TNFSF4: variants seen among roughly 807,000 people sequenced by gnomAD.
TNFSF4 encodes the protein TNF superfamily member 4, also known as tumor necrosis factor ligand superfamily member 4.
Under a neutral mutation model 7.3 loss-of-function variants are expected in TNFSF4, and 4 were observed. The ratio of observed to expected loss-of-function variants is 0.55; its 90% CI spans 0.27 to 1.25. The LOEUF (loss-of-function observed/expected upper bound fraction) is 1.25. Among genes scored for constraint, TNFSF4 ranks in the 50% most tolerant of loss-of-function variants. TNFSF4 has a pLI of 0.12. For missense variants in TNFSF4, 181 were observed against 208.8 expected, an observed-to-expected ratio of 0.87 and a Z score of 0.82; for synonymous variants, 76 against 83.7, an observed-to-expected ratio of 0.91 and a Z score of 0.50.
At chr1:173,378,955 G>A in the TNFSF4 span, among the ~76,000 whole-genome samples, 6 of 150,174 alleles carry the variant, frequency 4.0e-5, no homozygotes, top group Non-Finnish European at 8.9e-5. Context: ...CCGAGTACAT[G>A]TCCCCTTCTC....
chr1:173,328,295 A>T, the TNFSF4 span, among the ~76,000 whole-genome samples: 8 of 146,460 alleles, frequency 5.5e-5, no homozygotes, highest in African/African-American at 1.5e-4. Flanking sequence ...ATAGGTGGGA[A>T]TTGAACAATA....
chr1:173,272,354 AC>A, the TNFSF4 span, among the ~76,000 whole-genome samples: 1 of 152,024 alleles, frequency 6.6e-6, no homozygotes, highest in Non-Finnish European at 1.5e-5. Context: ...AATAAAAAAA[AC>A]AGATTCTGAG....
At chr1:173,339,724 T>C in the TNFSF4 span, among the ~76,000 whole-genome samples, 1 of 152,206 alleles carries the variant, frequency 6.6e-6, no homozygotes, top group Non-Finnish European at 1.5e-5. Flanking sequence ...GAATCTTACC[T>C]GCTTTTCCTG....
At chr1:173,220,544 A>G in the TNFSF4 span, among the ~76,000 whole-genome samples, 5 of 152,302 alleles carry the variant, frequency 3.3e-5, no homozygotes, top group East Asian at 1.9e-4. Context: ...CCAAAAATTC[A>G]TATGTGGAAG....
the TNFSF4 span, among the ~76,000 whole-genome samples, chr1:173,289,583 G>C: frequency 1.3e-5 from 2 of 151,872 alleles, no homozygotes; most frequent in Non-Finnish European, 2.9e-5. Context: ...GCCAGCAGGG[G>C]GAAAAGTCAG....
At chr1:173,197,603 G>T (rs909169627) in intron 1 of TNFSF4, among the ~76,000 whole-genome samples, 2 of 152,148 alleles carry the variant, frequency 1.3e-5, no homozygotes, top group South Asian at 2.1e-4. Context: ...GAAAAACACC[G>T]CATGTTCTCA....
the TNFSF4 span, among the ~76,000 whole-genome samples, chr1:173,176,241 T>G: frequency 6.6e-6 from 1 of 152,078 alleles, no homozygotes; most frequent in Non-Finnish European, 1.5e-5. Flanking sequence ...CTTCGATAAT[T>G]ATTTCCATGC....
the TNFSF4 span, among the ~76,000 whole-genome samples, chr1:173,275,665 T>C: frequency 6.6e-6 from 1 of 152,106 alleles, no homozygotes. Context: ...AATGCCGGCT[T>C]TCACACAATT....
the TNFSF4 span, among the ~76,000 whole-genome samples, chr1:173,267,650 T>C: frequency 6.6e-6 from 1 of 152,106 alleles, no homozygotes; most frequent in African/African-American, 2.4e-5. Flanking sequence ...TGGCTCAAAG[T>C]CTCCTGGGAG....
At chr1:173,334,145 C>T in the TNFSF4 span, among the ~76,000 whole-genome samples, 2 of 152,062 alleles carry the variant, frequency 1.3e-5, no homozygotes, top group Non-Finnish European at 1.5e-5. Flanking sequence ...GCTAAGGATT[C>T]GTGTTCTTAA....
chr1:173,378,905 G>C, the TNFSF4 span, among the ~76,000 whole-genome samples: 7 of 145,380 alleles, frequency 4.8e-5, no homozygotes, highest in African/African-American at 1.8e-4. Flanking sequence ...TATCATTTTT[G>C]TCTCCTTCAA....
At chr1:173,194,658 C>T (rs549840383) in intron 1 of TNFSF4, among the ~76,000 whole-genome samples, 8 of 151,856 alleles carry the variant, frequency 5.3e-5, no homozygotes, top group Non-Finnish European at 1.0e-4. Flanking sequence ...CAAAGCAGGC[C>T]GATCACTTGC....
downstream of TNFSF4, among the ~76,000 whole-genome samples, chr1:173,181,838 G>A (rs1160351460): frequency 2.6e-5 from 4 of 152,288 alleles, no homozygotes; most frequent in Middle Eastern, 3.4e-3. Flanking sequence ...CTTTGATCCC[G>A]TGGAGTGAAT....
At chr1:173,175,721 C>G in the TNFSF4 span, among the ~76,000 whole-genome samples, 2 of 152,154 alleles carry the variant, frequency 1.3e-5, no homozygotes, top group African/African-American at 4.8e-5. Context: ...ATGGGAAAAA[C>G]AATCATCAGG....
the TNFSF4 span, among the ~76,000 whole-genome samples, chr1:173,286,187 A>G: frequency 1.3e-5 from 2 of 152,222 alleles, no homozygotes; most frequent in Non-Finnish European, 2.9e-5. Context: ...ATAGTTCTAT[A>G]GACTCAGTTC....
the TNFSF4 span, among the ~76,000 whole-genome samples, chr1:173,263,444 T>C: frequency 6.6e-6 from 1 of 152,220 alleles, no homozygotes; most frequent in Admixed American, 6.5e-5. Context: ...TGATAAGCTA[T>C]TTCTACAAAT....
the TNFSF4 span, among the ~76,000 whole-genome samples, chr1:173,444,246 C>T: frequency 0.61 from 92,033 of 151,886 alleles, 29,897 homozygotes; most frequent in South Asian, 0.78. Context: ...TATTCCCCAC[C>T]CAAACCAACC....
the TNFSF4 span, among the ~76,000 whole-genome samples, chr1:173,238,341 G>C: frequency 6.6e-6 from 1 of 152,114 alleles, no homozygotes; most frequent in South Asian, 2.1e-4. Flanking sequence ...ATAGAAAATG[G>C]CAAAGATTTC....
chr1:173,233,508 A>G, the TNFSF4 span, among the ~76,000 whole-genome samples: 1 of 152,114 alleles, frequency 6.6e-6, no homozygotes, highest in African/African-American at 2.4e-5. Context: ...GAGAAAAGCA[A>G]CTCCAAGACA....
Sources: gnomAD v4.1 joint callset for allele counts (sites outside exome capture counted in the v4.1 genomes callset) on GRCh38, gnomAD v4.1.1 for gene constraint, MANE v1.5 for transcripts, NCBI Gene and HGNC (gene_info 2026-07-23, HGNC 2026-07-21) for gene names.